Variants in VPS8 observed in about 807,000 individuals in gnomAD.
VPS8 encodes the protein vacuolar protein sorting-associated protein 8 homolog.
VPS8 carries 129 observed loss-of-function variants against 216.4 expected under a neutral mutation model. That is an observed-to-expected ratio of 0.60 (90% confidence interval 0.52 to 0.69). The LOEUF is 0.69. VPS8 is among the 30% of genes least tolerant of loss of function. The pLI is 0.00. For synonymous variants in VPS8, 571 were observed against 565.4 expected (o/e 1.01, Z -0.14); for missense variants, 1,531 against 1,683.5 (o/e 0.91, Z 1.59).
chr3:184,825,243 T>C (rs1718500346), intron 2 of VPS8, among the ~76,000 whole-genome samples: 1 of 152,232 alleles, frequency 6.6e-6, no homozygotes, highest in East Asian at 1.9e-4. Context: ...ATTCATGTTG[T>C]CATTTGAGCT....
chr3:184,851,646 T>C (rs1724292960), intron 10 of VPS8, among the ~76,000 whole-genome samples: 1 of 152,184 alleles, frequency 6.6e-6, no homozygotes, highest in Non-Finnish European at 1.5e-5. Flanking sequence ...CTCTGGCAAC[T>C]GCTCATCGAG....
intron 21 of VPS8, among the ~76,000 whole-genome samples, chr3:184,873,457 T>C (rs761872482): frequency 2.0e-5 from 3 of 152,270 alleles, no homozygotes; most frequent in East Asian, 1.9e-4. Flanking sequence ...TGCATATTTA[T>C]TAACTCATTT....
intron 1 of VPS8, among the ~76,000 whole-genome samples, chr3:184,814,150 C>A (rs1342478930): frequency 6.6e-6 from 1 of 152,164 alleles, no homozygotes; most frequent in Non-Finnish European, 1.5e-5. Flanking sequence ...AAAGATATTT[C>A]TGTTGCAAGT....
intron 35 of VPS8, among the ~76,000 whole-genome samples, chr3:184,938,089 A>G (rs1014077979): frequency 4.6e-5 from 7 of 152,176 alleles, no homozygotes; most frequent in African/African-American, 1.7e-4. Context: ...GGTCTAGGCA[A>G]AAGATGGAGA....
intron 46 of VPS8, among the ~76,000 whole-genome samples, chr3:185,029,699 G>A (rs988353549): frequency 6.6e-6 from 1 of 151,956 alleles, no homozygotes; most frequent in African/African-American, 2.4e-5. Flanking sequence ...CAAGTAGCTG[G>A]GACAAGCACA....
chr3:184,913,034 T>G (rs1218355271), intron 25 of VPS8, among the ~76,000 whole-genome samples: 1 of 152,208 alleles, frequency 6.6e-6, no homozygotes, highest in Non-Finnish European at 1.5e-5. Context: ...ATTTTTTATG[T>G]AACTTAGAAT....
At chr3:184,818,414 T>C (rs547624937) in intron 1 of VPS8, among the ~76,000 whole-genome samples, 2 of 151,710 alleles carry the variant, frequency 1.3e-5, no homozygotes, top group Non-Finnish European at 2.9e-5. Context: ...ACCCAGCTAC[T>C]TGGGAGGCTG....
At chr3:184,894,999 C>A in intron 23 of VPS8, 74 bp downstream of exon 23, 1 of 1,246,162 alleles carries the variant, frequency 8.0e-7, no homozygotes, top group Non-Finnish European at 1.1e-6. Context: ...CTTCACTGAT[C>A]AGGCCTGACC....
chr3:185,032,322 T>C (rs1205787248), intron 46 of VPS8, among the ~76,000 whole-genome samples: 1 of 151,934 alleles, frequency 6.6e-6, no homozygotes, highest in Non-Finnish European at 1.5e-5. Context: ...GCAATAGAGG[T>C]GAGAGGGCTA....
chr3:185,042,322 GATCCCCGGAGT>G (rs1183214789), intron 46 of VPS8, among the ~76,000 whole-genome samples: 2 of 152,232 alleles, frequency 1.3e-5, no homozygotes, highest in Non-Finnish European at 2.9e-5. Flanking sequence ...TGCTAGGGCA[GATCCCCGGAGT>G]ATCCCTTTCC....
At chr3:184,950,924 T>C (rs1744594573) in intron 36 of VPS8, among the ~76,000 whole-genome samples, 1 of 152,226 alleles carries the variant, frequency 6.6e-6, no homozygotes, top group Admixed American at 6.5e-5. Flanking sequence ...TGCATAGTAT[T>C]GCATGGTGTA....
At chr3:185,042,378 AT>A (rs1341265183) in intron 46 of VPS8, among the ~76,000 whole-genome samples, 1 of 152,144 alleles carries the variant, frequency 6.6e-6, no homozygotes, top group African/African-American at 2.4e-5. Flanking sequence ...ATCTTTCTGG[AT>A]TTTTTTAAGA....
chr3:184,971,664 C>T lies in VPS8; in HGVS notation c.3332C>T (p.Pro1111Leu). ...CTAAATCTAGATACCAAAGAGGATC[C>T]CTCATTGAAGGATGTTGAAGATACT... is the stretch of plus-strand genomic sequence containing the variant. ...THQGENTKED[P>L]SLKDVEDTMV... is the part of the protein sequence containing the mutation. The change falls in exon 40 of 48, where the codon CCC (proline) becomes CTC (leucine). Residue 1111 changes from proline (P) to leucine (L), a missense_variant. Pro to Leu is a moderately conservative substitution (Grantham distance 98). Coordinates refer to ENST00000625842, the MANE Select transcript of VPS8 (RefSeq NM_001009921.3). The T allele has an allele frequency of 6.2e-7, 1 of 1,612,154 alleles. No individual in the cohort carries two copies. Among genetic ancestry groups the T allele is most frequent in the Non-Finnish European group, 8.5e-7 (1 of 1,179,044 alleles).
chr3:184,940,571 A>G (rs1002143618), intron 36 of VPS8, among the ~76,000 whole-genome samples: 17 of 152,084 alleles, frequency 1.1e-4, no homozygotes, highest in Non-Finnish European at 1.8e-4. Context: ...ACTCTTGCCT[A>G]CTCCTAACTT....
intron 36 of VPS8, among the ~76,000 whole-genome samples, chr3:184,949,170 A>G (rs1285465583): frequency 2.6e-5 from 4 of 151,980 alleles, no homozygotes. Flanking sequence ...GGTGGTGCAC[A>G]CCTAGAGTCC....
At chr3:184,949,412 A>C (rs1053341419) in intron 36 of VPS8, among the ~76,000 whole-genome samples, 3 of 152,206 alleles carry the variant, frequency 2.0e-5, no homozygotes, top group Non-Finnish European at 4.4e-5. Context: ...CTGTTACATT[A>C]ACGTGATGTG....
chr3:184,835,201 C>A (rs144707303), intron 5 of VPS8, among the ~76,000 whole-genome samples: 73 of 150,864 alleles, frequency 4.8e-4, no homozygotes, highest in African/African-American at 1.4e-3. Flanking sequence ...ATTCTTACAA[C>A]TTGGAAACTA....
intron 3 of VPS8, among the ~76,000 whole-genome samples, chr3:184,827,168 C>T (rs1432782489): frequency 6.6e-6 from 1 of 152,188 alleles, no homozygotes; most frequent in East Asian, 1.9e-4. Flanking sequence ...TGAGTTGGGC[C>T]TCTGTCTTTA....
rs758451125 is a variant in VPS8, at chr3:184,869,562, A to G, written c.1644+34A>G. The G allele has an allele frequency of 1.9e-6, 3 of 1,607,684 alleles. No individual in the cohort carries two copies. In the Admixed American group the frequency reaches 5.1e-5, roughly 27 times the overall value. On this transcript the variant is annotated intron_variant, in intron 20 of 47. Transcript: ENST00000625842. ...TTTAAGAGGGTCTTTACTAGAATAC[A>G]GTGCAGATTTGCTTTTGTCATTTGC...
Sources: gnomAD v4.1 joint callset for allele counts (sites outside exome capture counted in the v4.1 genomes callset) on GRCh38, gnomAD v4.1.1 for gene constraint, MANE v1.5 for transcripts, NCBI Gene and HGNC (gene_info 2026-07-23, HGNC 2026-07-21) for gene names.